ASPH: variants seen among roughly 807,000 people sequenced by gnomAD.
The protein encoded by ASPH is aspartyl/asparaginyl beta-hydroxylase.
ASPH carries 100 observed loss-of-function variants against 118.4 expected under a neutral mutation model. The ratio of observed to expected loss-of-function variants is 0.84; its 90% confidence interval spans 0.72 to 1.00. The LOEUF is 1.00. ASPH is among the 50% of genes least tolerant of loss of function. The probability of loss-of-function intolerance (pLI) is 0.00; values close to 1 mark genes in which losing one functional copy is unlikely to be tolerated. For synonymous variants in ASPH, 315 were observed against 325.6 expected (o/e 0.97, Z 0.35); for missense variants, 920 against 919.5 (o/e 1.00, Z -0.01).
intron 13 of ASPH, 41 bp downstream of exon 13, chr8:61,633,642 G>A: frequency 6.6e-7 from 1 of 1,523,332 alleles, no homozygotes; most frequent in South Asian, 1.2e-5. Flanking sequence ...GGATTTTTAA[G>A]GATAACAAAA....
At chr8:61,510,072 T>G (rs940051077) in intron 24 of ASPH, among the ~76,000 whole-genome samples, 7 of 152,198 alleles carry the variant, frequency 4.6e-5, no homozygotes, top group African/African-American at 1.7e-4. Flanking sequence ...AAGTCTCCAT[T>G]TCTGCAGCAA....
intron 24 of ASPH, among the ~76,000 whole-genome samples, chr8:61,511,377 A>G (rs1352353208): frequency 6.6e-6 from 1 of 152,174 alleles, no homozygotes; most frequent in Admixed American, 6.5e-5. Context: ...GGCAGGCAAT[A>G]ATGCTGAATC....
rs563416071 is a variant in ASPH at position 61,577,964 on chromosome 8, C to T, written c.1063-1106G>A. Among the ~76,000 whole-genome samples, 69 of 152,234 alleles carry T rather than the reference C, an allele frequency of 4.5e-4. 1 individual carries two copies. The highest frequency in any genetic ancestry group is 1.3e-3 in the African/African-American group (53 of 41,538). On this transcript the variant is annotated intron_variant, in intron 15 of 24. Transcript: ENST00000379454. Reference sequence around the variant, plus strand: ...ACACAATCATGCCTTTACAACAGTCCCACAAAAGTTTAACTCATTCCAGCA... The same window carrying T: ...ACACAATCATGCCTTTACAACAGTCTCACAAAAGTTTAACTCATTCCAGCA...
intron 14 of ASPH, among the ~76,000 whole-genome samples, chr8:61,617,085 GAC>G (rs1849295389): frequency 6.6e-6 from 1 of 152,142 alleles, no homozygotes; most frequent in Non-Finnish European, 1.5e-5. Context: ...TAGACAGCTG[GAC>G]ACACCAGTCT....
At chr8:61,553,763 C>T (rs1247545818) in intron 19 of ASPH, among the ~76,000 whole-genome samples, 2 of 152,082 alleles carry the variant, frequency 1.3e-5, no homozygotes, top group Non-Finnish European at 2.9e-5. Flanking sequence ...TTCCCGTCCC[C>T]ACAAAGAGAA....
intron 18 of ASPH, among the ~76,000 whole-genome samples, chr8:61,556,480 C>T (rs1827920512): frequency 6.6e-6 from 1 of 152,136 alleles, no homozygotes; most frequent in African/African-American, 2.4e-5. Context: ...TTTAGATTTG[C>T]ATTTGTAATA....
chr8:61,663,461 C>T lies in ASPH; in HGVS notation c.323-9801G>A, dbSNP rs116923467. 5.6e-4 allele frequency: 553 copies of T among 985,340 alleles called. 1 individual carries two copies. Among genetic ancestry groups the T allele is most frequent in the Middle Eastern group, 3.1e-3 (6 of 1,914 alleles). 61.0% of individuals were successfully genotyped at this position (985,340 alleles called of 1,614,324 possible). Reference sequence around the variant, plus strand: ...TCTTGGTTATCAAGTGGTAGCATCTCCAAATAGAATAACTCAGGCAGAAAC... The same window carrying T: ...TCTTGGTTATCAAGTGGTAGCATCTTCAAATAGAATAACTCAGGCAGAAAC... On this transcript the variant is annotated intron_variant, in intron 3 of 24. Transcript: ENST00000379454.
At chr8:61,530,852 T>A (rs1003492277) in intron 21 of ASPH, among the ~76,000 whole-genome samples, 1 of 152,234 alleles carries the variant, frequency 6.6e-6, no homozygotes, top group African/African-American at 2.4e-5. Context: ...CCTGCTTATA[T>A]CTAAATAGCC....
intron 1 of ASPH, among the ~76,000 whole-genome samples, chr8:61,704,865 T>G (rs894780805): frequency 6.6e-6 from 1 of 152,124 alleles, no homozygotes; most frequent in African/African-American, 2.4e-5. Context: ...CCACACATGG[T>G]TAGTGGGAGT....
Position 61,567,157 on chromosome 8 carries a change from T to G in ASPH, c.1300+11A>C, listed in dbSNP as rs1362253797. On this transcript the variant is annotated intron_variant, in intron 17 of 24. Transcript: ENST00000379454. ...CCATTTCCTACTGAATTACCTTTGA[T>G]TGCATCTTACCTAGAAATTGTTGCC... The G allele has an allele frequency of 2.5e-6, 4 of 1,613,034 alleles. No individual in the cohort carries two copies. The African/African-American group carries it at 5.3e-5, about 22-fold the overall frequency.
In ASPH at chr8:61,714,295, C is replaced by T; in HGVS notation, c.77G>A (p.Gly26Asp). 1 of 1,522,466 alleles carries T rather than the reference C, an allele frequency of 6.6e-7. No individual in the cohort carries two copies. The allele number at this position is 1,522,466 out of a possible 1,614,324, so 94.3% of individuals were successfully genotyped here. A position where few individuals can be genotyped will look rare whatever the true frequency, so the allele number is the denominator to read the frequency against. ...SGSGSGSTSA[G>D]SSSPGARRET... is the part of the protein sequence containing the mutation. ...TCTCCGGGCCCCGGGGCTGCTGCTG[C>T]CCGCACTCGTGCTACCGCTGCCGGA... The change falls in exon 1 of 25, where the codon GGC (glycine) becomes GAC (aspartate). Residue 26 changes from glycine (G) to aspartate (D), a missense_variant. Coordinates refer to ENST00000379454, the MANE Select transcript of ASPH (RefSeq NM_004318.4).
intron 1 of ASPH, among the ~76,000 whole-genome samples, chr8:61,697,821 CTG>C (rs1834284838): frequency 3.3e-5 from 5 of 152,242 alleles, no homozygotes; most frequent in Admixed American, 3.3e-4. Context: ...CAGAGTCTCA[CTG>C]TGTTTCCCGG....
intron 21 of ASPH, among the ~76,000 whole-genome samples, chr8:61,536,324 C>T (rs1044939512): frequency 1.3e-5 from 2 of 152,160 alleles, no homozygotes; most frequent in African/African-American, 4.8e-5. Context: ...CAGGCGTGAG[C>T]CACCGCACCC....
intron 1 of ASPH, among the ~76,000 whole-genome samples, chr8:61,691,372 G>A (rs1393010246): frequency 6.6e-6 from 1 of 152,146 alleles, no homozygotes; most frequent in African/African-American, 2.4e-5. Context: ...ATGGTCTCAG[G>A]TGCCCTCTGG....
intron 21 of ASPH, among the ~76,000 whole-genome samples, chr8:61,536,454 A>G (rs1372318559): frequency 1.3e-5 from 2 of 152,206 alleles, no homozygotes; most frequent in Admixed American, 1.3e-4. Flanking sequence ...GTGTTTTGGC[A>G]GACACTCTAA....
chr8:61,527,572 T>C (rs111289293), intron 21 of ASPH, among the ~76,000 whole-genome samples: 3,393 of 152,342 alleles, frequency 0.022, 51 homozygotes, highest in South Asian at 0.066. Flanking sequence ...GTGTTAATAT[T>C]GTTAACGGAA....
At chr8:61,712,553 C>T (rs568862627) in intron 1 of ASPH, among the ~76,000 whole-genome samples, 4 of 152,310 alleles carry the variant, frequency 2.6e-5, no homozygotes, top group African/African-American at 9.6e-5. Context: ...TGTTTCATGA[C>T]TATTAGAGAA....
chr8:61,554,355 T>C (rs900969879), intron 19 of ASPH, among the ~76,000 whole-genome samples: 3 of 152,228 alleles, frequency 2.0e-5, no homozygotes, highest in Non-Finnish European at 4.4e-5. Context: ...AAATGGTTTT[T>C]AATAGAACCA....
rs560231363 is a variant in ASPH at position 61,536,941 on chromosome 8, G to A, written c.1765-10829C>T. On this transcript the variant is annotated intron_variant, in intron 21 of 24. Transcript: ENST00000379454. ...TGCTGAAGGAAAAGGATAACATGAG[G>A]CACCTAGCTAGCACTGGGGTGACAG... is the stretch of plus-strand genomic sequence containing the variant. Among the ~76,000 whole-genome samples, 33 of 152,290 alleles carry A rather than the reference G, an allele frequency of 2.2e-4. No individual in the cohort carries two copies. The South Asian group carries it at 5.4e-3, about 25-fold the overall frequency.
Sources: allele counts gnomAD v4.1 joint callset (sites outside exome capture counted in the v4.1 genomes callset), GRCh38; gene constraint gnomAD v4.1.1; transcripts MANE v1.5; gene names NCBI Gene and HGNC (gene_info 2026-07-23, HGNC 2026-07-21).